The following RARB variants were observed in gnomAD, a reference collection of about 807,000 sequenced individuals.
RARB encodes retinoic acid receptor beta.
RARB carries 17 observed loss-of-function variants against 51.9 expected under a neutral mutation model. That is an observed-to-expected ratio of 0.33 (90% confidence interval 0.22 to 0.49). The LOEUF (loss-of-function observed/expected upper bound fraction) is 0.49. Ranked by LOEUF, RARB falls within the 20% of genes least tolerant of loss-of-function variation. The probability of loss-of-function intolerance (pLI) is 0.99; values close to 1 mark genes in which losing one functional copy is unlikely to be tolerated. For missense variants in RARB, 369 were observed against 550.8 expected (o/e 0.67, Z 3.30); for synonymous variants, 215 against 195.4 (o/e 1.10, Z -0.84).
intron 5 of RARB, among the ~76,000 whole-genome samples, chr3:25,395,618 T>G (rs1236337528): frequency 1.6e-4 from 25 of 152,182 alleles, no homozygotes; most frequent in Non-Finnish European, 3.4e-4. Flanking sequence ...TTTTTGTCTT[T>G]GTTGGAATGG....
chr3:25,291,494 T>G (rs960540296), intron 5 of RARB, among the ~76,000 whole-genome samples: 25 of 143,186 alleles, frequency 1.7e-4, no homozygotes, highest in Non-Finnish European at 2.7e-4. Context: ...TTTTTTTTTT[T>G]GAACACACAC....
chr3:25,281,911 T>C (rs566480408), intron 5 of RARB, among the ~76,000 whole-genome samples: 1 of 152,358 alleles, frequency 6.6e-6, no homozygotes, highest in African/African-American at 2.4e-5. Flanking sequence ...TGTGCTCATG[T>C]TGTGTTACTA....
At chr3:24,834,718 G>A (rs1268643040) in intron 1 of RARB, among the ~76,000 whole-genome samples, 1 of 152,168 alleles carries the variant, frequency 6.6e-6, no homozygotes, top group African/African-American at 2.4e-5. Context: ...AAAAATCTAA[G>A]TCTCAATTTT....
Position 25,378,335 on chromosome 3 carries a change from T to C in RARB, c.179-82858T>C, listed in dbSNP as rs545967500. Reference sequence around the variant, plus strand: ...AGCAGAGTGGCTCCCTTCTACCTGATGGGACAGCTGAAGTGGCGTGATGCC... The same window carrying C: ...AGCAGAGTGGCTCCCTTCTACCTGACGGGACAGCTGAAGTGGCGTGATGCC... On this transcript the variant is annotated intron_variant, in intron 5 of 11. Coordinates refer to the RARB transcript ENST00000383772. Among the ~76,000 whole-genome samples, 3 of 152,300 alleles carry C rather than the reference T, an allele frequency of 2.0e-5. No homozygotes were observed. The South Asian group carries it at 6.2e-4, about 32-fold the overall frequency.
At chr3:25,226,173 T>G (rs1351709752) in intron 5 of RARB, among the ~76,000 whole-genome samples, 1 of 152,214 alleles carries the variant, frequency 6.6e-6, no homozygotes, top group Admixed American at 6.5e-5. Flanking sequence ...TTCCCTTATT[T>G]ACTTGAATAA....
chr3:24,913,036 A>G (rs1281637558), intron 2 of RARB, among the ~76,000 whole-genome samples: 2 of 122,396 alleles, frequency 1.6e-5, no homozygotes, highest in East Asian at 2.6e-4. Flanking sequence ...GCTGGAGTGC[A>G]GTGGCGCCTT....
chr3:24,980,443 A>G (rs539387032), intron 2 of RARB, among the ~76,000 whole-genome samples: 2 of 152,246 alleles, frequency 1.3e-5, no homozygotes, highest in South Asian at 2.1e-4. Context: ...ACATAGTCCC[A>G]TATTTCTTGG....
chr3:25,461,396 G>C, intron 2 of RARB, 55 bp downstream of exon 2: 1 of 1,580,852 alleles, frequency 6.3e-7, no homozygotes, highest in South Asian at 1.2e-5. Flanking sequence ...GTACTTTATG[G>C]AGGTGACCTA....
At chr3:25,154,607 A>G (rs1157365243) in intron 4 of RARB, among the ~76,000 whole-genome samples, 2 of 152,140 alleles carry the variant, frequency 1.3e-5, no homozygotes, top group Non-Finnish European at 2.9e-5. Context: ...AGACCTTCCA[A>G]TGACTCACCA....
chr3:24,879,115 A>G (rs1703105898), intron 2 of RARB, among the ~76,000 whole-genome samples: 1 of 151,700 alleles, frequency 6.6e-6, no homozygotes, highest in South Asian at 2.1e-4. Context: ...CATTTTTGGT[A>G]ATCTTTAAGG....
At chr3:25,037,289 G>A (rs1486871811) in intron 2 of RARB, among the ~76,000 whole-genome samples, 1 of 150,750 alleles carries the variant, frequency 6.6e-6, no homozygotes, top group Non-Finnish European at 1.5e-5. Flanking sequence ...TGGCCATGGC[G>A]AATAAAGTTT....
chr3:25,266,347 C>T (rs1281725726), intron 5 of RARB, among the ~76,000 whole-genome samples: 3 of 152,088 alleles, frequency 2.0e-5, no homozygotes, highest in African/African-American at 7.2e-5. Flanking sequence ...TGCAGGCATC[C>T]TTTCTAATGT....
chr3:25,458,372 T>C (rs1293920531), intron 1 of RARB: 1 of 152,244 alleles, frequency 6.6e-6, no homozygotes, highest in Non-Finnish European at 1.5e-5. Context: ...ACAGTGAATT[T>C]CTCTGAGTGA....
intron 3 of RARB, among the ~76,000 whole-genome samples, chr3:25,121,761 A>C (rs185425749): frequency 1.3e-3 from 199 of 152,300 alleles, no homozygotes; most frequent in African/African-American, 4.6e-3. Flanking sequence ...ATGTTTTTTA[A>C]ATTTCTACAC....
chr3:25,233,892 G>C (rs1300247153), intron 5 of RARB, among the ~76,000 whole-genome samples: 2 of 150,780 alleles, frequency 1.3e-5, no homozygotes, highest in African/African-American at 4.9e-5. Flanking sequence ...ATTGATTTTT[G>C]AATGTTGAGC....
At chr3:24,932,310 G>C (rs1695457600) in intron 2 of RARB, among the ~76,000 whole-genome samples, 1 of 151,896 alleles carries the variant, frequency 6.6e-6, no homozygotes, top group South Asian at 2.1e-4. Flanking sequence ...TCCTGCTTTA[G>C]CTCCCCAGCA....
chr3:25,280,970 G>C (rs1181054891), intron 5 of RARB, among the ~76,000 whole-genome samples: 2 of 152,080 alleles, frequency 1.3e-5, no homozygotes, highest in South Asian at 2.1e-4. Context: ...TCACTTACCA[G>C]CTTAAGAACA....
intron 5 of RARB, among the ~76,000 whole-genome samples, chr3:25,408,363 G>A (rs538942174): frequency 1.3e-5 from 2 of 152,126 alleles, no homozygotes; most frequent in South Asian, 4.1e-4. Flanking sequence ...GGGAAGTAGG[G>A]CACATCTTCC....
At chr3:25,074,684 A>C (rs542889930) in intron 3 of RARB, among the ~76,000 whole-genome samples, 2 of 152,300 alleles carry the variant, frequency 1.3e-5, no homozygotes, top group Admixed American at 6.5e-5. Context: ...TCAAAGACTT[A>C]CTACTTACTA....
Sources: allele counts gnomAD v4.1 joint callset (sites outside exome capture counted in the v4.1 genomes callset), GRCh38; gene constraint gnomAD v4.1.1; transcripts MANE v1.5; gene names NCBI Gene and HGNC (gene_info 2026-07-23, HGNC 2026-07-21).